Variants in SART3 observed in about 807,000 individuals in gnomAD.
SART3 encodes spliceosome associated factor 3, U4/U6 recycling protein.
SART3 carries 44 observed loss-of-function variants against 122.3 expected under a neutral mutation model. That is an observed-to-expected ratio of 0.36 (90% CI 0.28 to 0.46). SART3 has a LOEUF of 0.46. SART3 is among the 20% of genes least tolerant of loss of function. The pLI is 1.00. For missense variants in SART3, 1,101 were observed against 1,229.0 expected (o/e 0.90, Z 1.56); for synonymous variants, 442 against 454.0 (o/e 0.97, Z 0.34).
intron 1 of SART3, among the ~76,000 whole-genome samples, chr12:108,558,482 G>T (rs567409520): frequency 1.5e-4 from 23 of 152,332 alleles, no homozygotes; most frequent in Non-Finnish European, 2.8e-4. Context: ...ACAGGCAACT[G>T]CAGAGTACTA....
chr12:108,540,573 TA>T (rs56122105), intron 6 of SART3, among the ~76,000 whole-genome samples: 107,234 of 141,138 alleles, frequency 0.76, 41,352 homozygotes, highest in East Asian at 0.92. Flanking sequence ...CAATTCCAAT[TA>T]AAAAAAAAAA....
intron 11 of SART3, among the ~76,000 whole-genome samples, chr12:108,535,767 A>G (rs917351883): frequency 6.9e-6 from 1 of 145,550 alleles, no homozygotes; most frequent in African/African-American, 2.5e-5. Flanking sequence ...CTTAACTACA[A>G]GTGTTTGAGA....
intron 6 of SART3, among the ~76,000 whole-genome samples, chr12:108,541,072 G>T (rs1274365484): frequency 6.6e-6 from 1 of 152,134 alleles, no homozygotes; most frequent in Non-Finnish European, 1.5e-5. Context: ...TAATCTAATT[G>T]ATCACTAAGA....
At chr12:108,535,784 G>GT (rs1464996786) in intron 11 of SART3, among the ~76,000 whole-genome samples, 2 of 112,714 alleles carry the variant, frequency 1.8e-5, no homozygotes, top group Non-Finnish European at 4.0e-5. Flanking sequence ...GAGAGACAAT[G>GT]TTAAAAAAAA....
chr12:108,560,468 T>A (rs2030462826), intron 1 of SART3: 2 of 369,638 alleles, frequency 5.4e-6, no homozygotes, highest in Non-Finnish European at 9.6e-6. Flanking sequence ...CTCTTGCGAA[T>A]GAGTTTATTT....
chr12:108,531,134 A>G (rs1872662106), intron 14 of SART3, 70 bp downstream of exon 14: 2 of 1,155,546 alleles, frequency 1.7e-6, no homozygotes, highest in South Asian at 2.5e-5. Flanking sequence ...CATCTTGACA[A>G]GAAACATCCA....
At chr12:108,551,772 G>C (rs913566588) in intron 1 of SART3, among the ~76,000 whole-genome samples, 1 of 151,968 alleles carries the variant, frequency 6.6e-6, no homozygotes, top group Non-Finnish European at 1.5e-5. Flanking sequence ...GACCACAATG[G>C]AATCAAATTA....
rs60558614 is a variant in SART3 at position 108,539,594 on chromosome 12, C to T, written c.907-505G>A. On this transcript the variant is annotated intron_variant, in intron 6 of 18. Coordinates refer to ENST00000546815, the MANE Select transcript of SART3 (RefSeq NM_014706.4). ...TGCTGAATGTTTAATGATCCAAAGA[C>T]ATACAATCAAATTCTTTTTAGAAAA... 4.9e-3 allele frequency among the ~76,000 whole-genome samples: 744 copies of T among 152,330 alleles called. 7 individuals carry two copies. The highest frequency in any genetic ancestry group is 0.016 in the African/African-American group (663 of 41,578).
chr12:108,525,308 C>T (rs1439922287), intron 17 of SART3, 149 bp downstream of exon 17: 1 of 777,484 alleles, frequency 1.3e-6, no homozygotes, highest in Non-Finnish European at 2.2e-6. Context: ...ATAAGTAGAG[C>T]TAAGTGCAGA....
chr12:108,554,300 A>G lies in SART3; in HGVS notation c.313-5086T>C, dbSNP rs1306269473. 5 of 152,306 alleles carry G rather than the reference A, an allele frequency of 3.3e-5. No homozygotes were observed. The East Asian group carries it at 9.6e-4, about 29-fold the overall frequency. 9.4% of individuals were successfully genotyped at this position (152,306 alleles called of 1,614,324 possible). A position where few individuals can be genotyped will look rare whatever the true frequency, so the allele number is the denominator to read the frequency against. ...GTTAGATTCTTTACCTACCTGGCAC[A>G]CAGAATTCAATAAATTACATGTCAA... On this transcript the variant is annotated intron_variant, in intron 1 of 18. Transcript: ENST00000546815.
chr12:108,540,417 A>G (rs1873106520), intron 6 of SART3, among the ~76,000 whole-genome samples: 1 of 152,178 alleles, frequency 6.6e-6, no homozygotes, highest in African/African-American at 2.4e-5. Flanking sequence ...AGGGGACTCT[A>G]AAGGTCAAGT....
intron 10 of SART3, 59 bp downstream of exon 10, chr12:108,536,649 G>A: frequency 6.2e-7 from 1 of 1,608,920 alleles, no homozygotes. Flanking sequence ...ACATCAACCA[G>A]GAAATAGTAC....
chr12:108,543,441 T>G (rs1370386151), intron 5 of SART3, among the ~76,000 whole-genome samples: 1 of 152,216 alleles, frequency 6.6e-6, no homozygotes, highest in Admixed American at 6.5e-5. Flanking sequence ...TCACATCCAC[T>G]AACTCATTCA....
rs184906771 is a variant in SART3, at chr12:108,560,721, G to T, written c.312+122C>A. On this transcript the variant is annotated intron_variant, in intron 1 of 18. Coordinates refer to ENST00000546815, the MANE Select transcript of SART3 (RefSeq NM_014706.4). ...CAAATCCGACAGGAGCTACTGTCAC[G>T]AAAAGCGGGTTTGCAGCCTTGGCGG... 1.2e-4 allele frequency: 96 copies of T among 816,574 alleles called. 1 individual carries two copies. In the East Asian group the frequency reaches 2.2e-3, roughly 19 times the overall value. The allele number at this position is 816,574 out of a possible 1,614,324, so 50.6% of individuals were successfully genotyped here.
At chr12:108,539,174 G>A in intron 6 of SART3, 85 bp from the exon 7 acceptor site, 5 of 1,428,780 alleles carry the variant, frequency 3.5e-6, no homozygotes, top group Non-Finnish European at 4.8e-6. Context: ...TGGCAAAACT[G>A]GCTACAGTAA....
At chr12:108,533,104 T>C (rs994421084) in intron 12 of SART3, among the ~76,000 whole-genome samples, 5 of 152,214 alleles carry the variant, frequency 3.3e-5, no homozygotes, top group Non-Finnish European at 4.4e-5. Flanking sequence ...ATACATATTA[T>C]GATGCTCAGA....
Position 108,536,800 on chromosome 12 carries a change from A to AAAAAAAGGCTTT in SART3, c.1310-27_1310-16dup. 1 of 1,607,684 alleles carries AAAAAAAGGCTTT rather than the reference A, an allele frequency of 6.2e-7. No homozygotes were observed. The highest frequency in any genetic ancestry group is 2.2e-5 in the East Asian group (1 of 44,770). The stretch of plus-strand genomic sequence containing the variant: ...TTTACTGGAGTCTAACGGAAAGTGC[A>AAAAAAAGGCTTT]AAAAAAGGCTTTAGGAAACCACATA... On this transcript the variant is annotated splice_polypyrimidine_tract_variant and intron_variant, in intron 9 of 18. Transcript: ENST00000546815.
intron 3 of SART3, among the ~76,000 whole-genome samples, chr12:108,546,504 G>C (rs1212349327): frequency 6.8e-6 from 1 of 146,920 alleles, no homozygotes; most frequent in South Asian, 2.2e-4. Flanking sequence ...CAGTCTGAAA[G>C]GGGAAATTTT....
chr12:108,523,687 C>T, intron 18 of SART3, 53 bp from the exon 19 acceptor site: 1 of 1,501,146 alleles, frequency 6.7e-7, no homozygotes, highest in Non-Finnish European at 9.3e-7. Context: ...CGTGGCCCCT[C>T]ATTTATTTGT....
Sources: gnomAD v4.1 joint callset for allele counts (sites outside exome capture counted in the v4.1 genomes callset) on GRCh38, gnomAD v4.1.1 for gene constraint, MANE v1.5 for transcripts, NCBI Gene and HGNC (gene_info 2026-07-23, HGNC 2026-07-21) for gene names.